KIAA1671: variants seen among roughly 807,000 people sequenced by gnomAD.
KIAA1671 encodes the protein KIAA1671, also known as uncharacterized protein KIAA1671.
A neutral mutation model predicts 131.2 loss-of-function variants in KIAA1671; 52 were observed. The observed-to-expected ratio is 0.40, with a 90% CI of 0.32 to 0.50. The LOEUF is 0.50. Among genes scored for constraint, KIAA1671 ranks in the 20% least tolerant of loss-of-function variants. The pLI is 0.73. For missense variants in KIAA1671, 2,360 were observed against 2,364.2 expected (o/e 1.00, Z 0.04); for synonymous variants, 1,003 against 961.6 (o/e 1.04, Z -0.80).
intron 1 of KIAA1671, among the ~76,000 whole-genome samples, chr22:24,987,186 T>C (rs939387674): frequency 4.0e-5 from 6 of 150,888 alleles, no homozygotes; most frequent in East Asian, 1.9e-4. Context: ...TTTTTTTTTT[T>C]CTGAGACAGA....
intron 1 of KIAA1671, among the ~76,000 whole-genome samples, chr22:24,976,231 C>T (rs1922904635): frequency 6.6e-6 from 1 of 152,244 alleles, no homozygotes; most frequent in South Asian, 2.1e-4. Context: ...AGCAGAACCC[C>T]CAGGGGTGGG....
At chr22:25,077,104 A>G (rs1434061554) in intron 6 of KIAA1671, among the ~76,000 whole-genome samples, 1 of 152,198 alleles carries the variant, frequency 6.6e-6, no homozygotes. Context: ...AGCCTACAGG[A>G]AAGCTTTCTA....
At chr22:25,018,590 ATTGTACTTTCTGTC>A (rs1925473778) in intron 1 of KIAA1671, among the ~76,000 whole-genome samples, 2 of 152,058 alleles carry the variant, frequency 1.3e-5, no homozygotes, top group African/African-American at 4.8e-5. Context: ...GGCAACCACC[ATTGTACTTTCTGTC>A]TTTATGAATT....
intron 1 of KIAA1671, among the ~76,000 whole-genome samples, chr22:24,989,138 A>AGGG (rs1397363735): frequency 6.6e-6 from 1 of 152,148 alleles, no homozygotes. Flanking sequence ...GTGAGTAGGA[A>AGGG]GGGGTGTTCA....
intron 1 of KIAA1671, among the ~76,000 whole-genome samples, chr22:24,976,608 C>A (rs1922928802): frequency 6.6e-6 from 1 of 152,186 alleles, no homozygotes; most frequent in Admixed American, 6.5e-5. Flanking sequence ...AGAGAGCCCA[C>A]CGGGCTGGTC....
rs1168068360 is a variant in KIAA1671, at chr22:25,043,812, A to G, written c.4395+2287A>G. ...AAGAGCGTAGAATGTTGTGGGGGAC[A>G]TGTGGAAATGGACTTAGCACCGCCC... is the stretch of plus-strand genomic sequence containing the variant. On this transcript the variant is annotated intron_variant, in intron 5 of 12. Coordinates refer to ENST00000358431, the MANE Select transcript of KIAA1671 (RefSeq NM_001145206.2). Among the ~76,000 whole-genome samples, 4 of 152,124 alleles carry G rather than the reference A, an allele frequency of 2.6e-5. No homozygotes were observed. In the East Asian group the frequency reaches 5.8e-4, roughly 22 times the overall value.
At chr22:25,032,813 C>A in intron 4 of KIAA1671, 117 bp downstream of exon 4, 2 of 527,452 alleles carry the variant, frequency 3.8e-6, no homozygotes, top group Non-Finnish European at 6.7e-6. Context: ...GTCATGCACA[C>A]GATAAAACAT....
intron 6 of KIAA1671, among the ~76,000 whole-genome samples, chr22:25,114,793 C>T (rs913007132): frequency 6.6e-6 from 1 of 152,182 alleles, no homozygotes; most frequent in Non-Finnish European, 1.5e-5. Context: ...CTTAAATATT[C>T]GTTTTATGGG....
chr22:24,985,723 AGAGAGTGT>A (rs1260159715), intron 1 of KIAA1671, among the ~76,000 whole-genome samples: 2 of 151,244 alleles, frequency 1.3e-5, no homozygotes, highest in African/African-American at 4.9e-5. Context: ...GGAGAGAGAG[AGAGAGTGT>A]GTGAGTGTGT....
intron 1 of KIAA1671, among the ~76,000 whole-genome samples, chr22:24,988,893 C>A (rs1923692931): frequency 6.6e-6 from 1 of 152,052 alleles, no homozygotes; most frequent in Non-Finnish European, 1.5e-5. Flanking sequence ...TTGGTATCTT[C>A]CCCATCTCAC....
chr22:25,000,640 CCAA>C (rs1924411058), intron 1 of KIAA1671, among the ~76,000 whole-genome samples: 1 of 151,954 alleles, frequency 6.6e-6, no homozygotes. Context: ...CCTCAGCCTC[CCAA>C]GTAGCTGAGA....
Position 24,979,017 on chromosome 22 carries a change from A to G in KIAA1671, c.-208+26245A>G, listed in dbSNP as rs145836218. Among the ~76,000 whole-genome samples the G allele has an allele frequency of 3.9e-3, 505 of 128,940 alleles. 14 individuals are homozygous for G. In the East Asian group the frequency reaches 0.087, roughly 22 times the overall value. 84.6% of individuals were successfully genotyped at this position (128,940 alleles called of 152,430 possible). On this transcript the variant is annotated intron_variant, in intron 1 of 12. Transcript: ENST00000358431. ...TTAATCATTTTTTTTTTTTTTTGAG[A>G]CAGAGTCTTGCTCTGTTGCCCAGGC...
intron 1 of KIAA1671, among the ~76,000 whole-genome samples, chr22:24,969,522 G>T (rs572686944): frequency 2.0e-5 from 3 of 152,138 alleles, no homozygotes; most frequent in Admixed American, 1.3e-4. Flanking sequence ...TTTTTCATCC[G>T]AGCTTGGTTG....
At chr22:24,975,388 AG>A (rs1439116320) in intron 1 of KIAA1671, among the ~76,000 whole-genome samples, 4 of 149,614 alleles carry the variant, frequency 2.7e-5, no homozygotes, top group African/African-American at 9.9e-5. Context: ...GTGCAATCCT[AG>A]CTCACTGCAC....
At chr22:25,073,025 T>TGACCC (rs1219680173) in intron 6 of KIAA1671, among the ~76,000 whole-genome samples, 12 of 152,212 alleles carry the variant, frequency 7.9e-5, no homozygotes, top group African/African-American at 2.9e-4. Context: ...CCCTGGTGAA[T>TGACCC]GACCCCCTTC....
At chr22:25,067,498 G>A (rs764942333) in intron 6 of KIAA1671, among the ~76,000 whole-genome samples, 2 of 151,694 alleles carry the variant, frequency 1.3e-5, no homozygotes, top group Admixed American at 6.6e-5. Context: ...CTCCCTCCAT[G>A]TCTCTCGTCT....
chr22:24,972,624 CTTTA>C (rs1268084104), intron 1 of KIAA1671, among the ~76,000 whole-genome samples: 3 of 151,852 alleles, frequency 2.0e-5, no homozygotes, highest in South Asian at 2.1e-4. Flanking sequence ...TCCACTTATT[CTTTA>C]TTTCTTTCTT....
intron 6 of KIAA1671, among the ~76,000 whole-genome samples, chr22:25,094,886 G>A (rs1930322772): frequency 6.6e-6 from 1 of 152,040 alleles, no homozygotes; most frequent in Non-Finnish European, 1.5e-5. Flanking sequence ...CCCTCCCTCT[G>A]ATTCTCGCTG....
rs140640921 is a variant in KIAA1671, at chr22:24,975,874, A to C, written c.-208+23102A>C. ...CCCTGGCCTCCCTTTGCACTTGGGG[A>C]TGCTGCTGACTCACCAGCAGGAGAT... is the stretch of plus-strand genomic sequence containing the variant. On this transcript the variant is annotated intron_variant, in intron 1 of 12. Transcript: ENST00000358431. Among the ~76,000 whole-genome samples the C allele has an allele frequency of 7.9e-5, 12 of 152,062 alleles. No homozygotes were observed. The East Asian group carries it at 2.1e-3, about 27-fold the overall frequency.
Sources: allele counts gnomAD v4.1 joint callset (sites outside exome capture counted in the v4.1 genomes callset), GRCh38; gene constraint gnomAD v4.1.1; transcripts MANE v1.5; gene names NCBI Gene and HGNC (gene_info 2026-07-23, HGNC 2026-07-21).